The following UBAC2 variants were observed in gnomAD, a reference collection of about 807,000 sequenced individuals.
UBAC2 encodes ubiquitin-associated domain-containing protein 2.
UBAC2 carries 26 observed loss-of-function variants against 44.0 expected under a neutral mutation model. That is an observed-to-expected ratio of 0.59 (90% confidence interval 0.43 to 0.82). The LOEUF (loss-of-function observed/expected upper bound fraction) is 0.82, where lower values mean the gene tolerates loss of function less well. UBAC2 is among the 40% of genes least tolerant of loss of function. UBAC2 has a pLI of 0.00. For missense variants in UBAC2, 329 were observed against 419.4 expected, an observed-to-expected ratio of 0.78 and a Z score of 1.88; for synonymous variants, 155 against 154.3, an observed-to-expected ratio of 1.00 and a Z score of -0.04.
At chr13:99,304,956 C>G (rs1239332176) in intron 4 of UBAC2, among the ~76,000 whole-genome samples, 1 of 152,126 alleles carries the variant, frequency 6.6e-6, no homozygotes, top group East Asian at 1.9e-4. Context: ...ACTAGGAGAA[C>G]TGGGGGAAGG....
chr13:99,343,925 A>G (rs561241061), intron 7 of UBAC2, among the ~76,000 whole-genome samples: 12 of 152,238 alleles, frequency 7.9e-5, no homozygotes, highest in Non-Finnish European at 1.5e-4. Flanking sequence ...TTACTTTTCA[A>G]CAAATAAGTA....
chr13:99,290,728 CAA>C (rs35343898), intron 4 of UBAC2, among the ~76,000 whole-genome samples: 46 of 93,744 alleles, frequency 4.9e-4, no homozygotes, highest in Admixed American at 7.0e-4. Flanking sequence ...GTTTCACCAC[CAA>C]AAAAAAAAAA....
intron 7 of UBAC2, among the ~76,000 whole-genome samples, chr13:99,355,786 CAG>C (rs1053552312): frequency 6.6e-6 from 1 of 152,226 alleles, no homozygotes; most frequent in African/African-American, 2.4e-5. Context: ...CGCAGCTGCC[CAG>C]AGTCTCACCC....
At chr13:99,218,812 C>T (rs544093242) in intron 1 of UBAC2, among the ~76,000 whole-genome samples, 47 of 152,160 alleles carry the variant, frequency 3.1e-4, no homozygotes, top group Admixed American at 1.8e-3. Context: ...TTTGTTGAGA[C>T]GATCACCAGG....
intron 1 of UBAC2, among the ~76,000 whole-genome samples, chr13:99,208,004 T>C (rs1295251257): frequency 6.7e-6 from 1 of 149,828 alleles, no homozygotes; most frequent in East Asian, 1.9e-4. Context: ...TTTTTTTTTT[T>C]TTTTTTTTTT....
rs1461300949 is a variant in UBAC2, at chr13:99,254,067, A to G, written c.389+9443A>G. ...CAAGGCTAAGAAATCCAAGGTTCCT[A>G]CTAGTACTATTTATACTGTGACATA... is the stretch of plus-strand genomic sequence containing the variant. On this transcript the variant is annotated intron_variant, in intron 4 of 8. Coordinates refer to ENST00000403766, the MANE Select transcript of UBAC2 (RefSeq NM_001144072.2). Among the ~76,000 whole-genome samples the G allele has an allele frequency of 2.0e-5, 3 of 152,234 alleles. No individual in the cohort carries two copies. In the East Asian group the frequency reaches 5.8e-4, roughly 29 times the overall value.
intron 4 of UBAC2, among the ~76,000 whole-genome samples, chr13:99,306,115 C>T (rs564182228): frequency 1.9e-4 from 29 of 152,146 alleles, no homozygotes; most frequent in South Asian, 6.2e-4. Flanking sequence ...AGGCTGGTCT[C>T]GAACTCCTGA....
At chr13:99,201,627 T>G in intron 1 of UBAC2, 1 of 1,591,202 alleles carries the variant, frequency 6.3e-7, no homozygotes, top group Non-Finnish European at 8.6e-7. Context: ...GTGTGTGGAA[T>G]TGACTTTCGG....
intron 1 of UBAC2, among the ~76,000 whole-genome samples, chr13:99,210,478 C>CT (rs67744400): frequency 0.012 from 1,312 of 112,604 alleles, 16 homozygotes; most frequent in Non-Finnish European, 0.017. Context: ...TTTTTCTTTT[C>CT]TTTTTTTTTT....
At chr13:99,377,514 T>C (rs2045497156) in intron 8 of UBAC2, 1 of 152,222 alleles carries the variant, frequency 6.6e-6, no homozygotes, top group African/African-American at 2.4e-5. Flanking sequence ...AGTTAATGTG[T>C]GTTGTGGCTA....
At chr13:99,348,460 G>A (rs2045026989) in intron 7 of UBAC2, among the ~76,000 whole-genome samples, 1 of 152,268 alleles carries the variant, frequency 6.6e-6, no homozygotes, top group East Asian at 1.9e-4. Flanking sequence ...ATGAAAAAAC[G>A]CACAGGGGCT....
intron 4 of UBAC2, among the ~76,000 whole-genome samples, chr13:99,296,667 C>A (rs1211955293): frequency 6.6e-6 from 1 of 152,100 alleles, no homozygotes; most frequent in African/African-American, 2.4e-5. Flanking sequence ...GAAATATGAA[C>A]TTACCACAGT....
In UBAC2 at chr13:99,243,893, G is replaced by T; in HGVS notation, c.221G>T (p.Ser74Ile). 5 of 1,566,008 alleles carry T rather than the reference G, an allele frequency of 3.2e-6. No individual in the cohort carries two copies. The highest frequency in any genetic ancestry group is 4.3e-6 in the Non-Finnish European group (5 of 1,153,480). The change falls in exon 3 of 9, where the codon AGT becomes ATT. Residue 74 changes from serine (S) to isoleucine (I), a missense_variant. Transcript: ENST00000403766. ...CLDLKDTFCS[S>I]LLIYNFRIFE... ...GATTTGAAAGATACTTTCTGCAGTA[G>T]TCTGCTTATTTATAATTTTAGGATA...
intron 8 of UBAC2, among the ~76,000 whole-genome samples, chr13:99,369,681 T>C (rs929872377): frequency 9.2e-5 from 14 of 152,200 alleles, no homozygotes; most frequent in Non-Finnish European, 1.8e-4. Flanking sequence ...AAAGTATCCC[T>C]CCACAAGTTA....
intron 4 of UBAC2, among the ~76,000 whole-genome samples, chr13:99,304,018 G>A (rs993554176): frequency 2.0e-5 from 3 of 152,034 alleles, no homozygotes; most frequent in African/African-American, 4.8e-5. Flanking sequence ...CCTTCTGCCC[G>A]CAGCCACGGC....
chr13:99,308,347 G>A lies in UBAC2; in HGVS notation c.390-5750G>A, dbSNP rs532360224. ...GGGATGTGTATGCTTTGTAGGCATA[G>A]GGTCATTATCCTTATGCTTGTGGAA... On this transcript the variant is annotated intron_variant, in intron 4 of 8. Transcript: ENST00000403766. 2.6e-5 allele frequency among the ~76,000 whole-genome samples: 4 copies of A among 152,262 alleles called. No individual in the cohort carries two copies. In the South Asian group the frequency reaches 8.3e-4, roughly 32 times the overall value.
chr13:99,254,899 T>G (rs372086125), intron 4 of UBAC2: 1 of 1,613,354 alleles, frequency 6.2e-7, no homozygotes, highest in Non-Finnish European at 8.5e-7. Context: ...ACTGTTTATA[T>G]TGCTTAGTGA....
chr13:99,291,981 A>T (rs9517673), intron 4 of UBAC2, among the ~76,000 whole-genome samples: 38,342 of 152,046 alleles, frequency 0.25, 6,044 homozygotes, highest in Non-Finnish European at 0.35. Context: ...TATAATCTAT[A>T]CCTATTGTTG....
chr13:99,212,496 G>C (rs1363897703), intron 1 of UBAC2, among the ~76,000 whole-genome samples: 1 of 152,168 alleles, frequency 6.6e-6, no homozygotes, highest in Non-Finnish European at 1.5e-5. Context: ...CTAATCTTTG[G>C]AAAGGGTTCT....
Sources: gnomAD v4.1 joint callset for allele counts (sites outside exome capture counted in the v4.1 genomes callset) on GRCh38, gnomAD v4.1.1 for gene constraint, MANE v1.5 for transcripts, NCBI Gene and HGNC (gene_info 2026-07-23, HGNC 2026-07-21) for gene names.